The following PADI1 variants were observed in gnomAD, a reference collection of about 807,000 sequenced individuals.
PADI1 encodes the protein peptidyl arginine deiminase 1.
Under a neutral mutation model 74.8 loss-of-function variants are expected in PADI1, and 65 were observed. The observed-to-expected ratio is 0.87, with a 90% CI of 0.71 to 1.07. The LOEUF is 1.07. Among genes scored for constraint, PADI1 ranks in the 50% least tolerant of loss-of-function variants. PADI1 has a pLI of 0.00. For synonymous variants in PADI1, 371 were observed against 336.2 expected, an observed-to-expected ratio of 1.10 and a Z score of -1.13; for missense variants, 943 against 854.0, an observed-to-expected ratio of 1.10 and a Z score of -1.30.
intron 12 of PADI1, among the ~76,000 whole-genome samples, chr1:17,238,208 T>C (rs2072692813): frequency 6.6e-6 from 1 of 152,140 alleles, no homozygotes; most frequent in African/African-American, 2.4e-5. Context: ...GCCCAGCTAA[T>C]TTTTTGTATT....
rs566329267 is a variant in PADI1 at position 17,244,370 on chromosome 1, C to A, written c.*127C>A. 1 of 745,344 alleles carries A rather than the reference C, an allele frequency of 1.3e-6. No individual in the cohort carries two copies. Among genetic ancestry groups the A allele is most frequent in the Non-Finnish European group, 2.4e-6 (1 of 417,368 alleles). 46.2% of individuals were successfully genotyped at this position (745,344 alleles called of 1,614,324 possible). ...TGGCACTTTGCAAACATCCTGGCCA[C>A]CATGGGCACCAGGACACAGGGATGG... On this transcript the variant is annotated 3_prime_UTR_variant, in exon 16 of 16. Coordinates refer to ENST00000375471, the MANE Select transcript of PADI1 (RefSeq NM_013358.3).
rs1213380160 is a variant in PADI1, at chr1:17,244,331, T to C, written c.*88T>C. On this transcript the variant is annotated 3_prime_UTR_variant, in exon 16 of 16. Transcript: ENST00000375471. Reference sequence around the variant, plus strand: ...AGGAACAACCACCTGGCCTCCATTCTCTTGGGGGAGTCTTGGCACTTTGCA... The same window carrying C: ...AGGAACAACCACCTGGCCTCCATTCCCTTGGGGGAGTCTTGGCACTTTGCA... The C allele has an allele frequency of 2.0e-6, 2 of 982,980 alleles. No homozygotes were observed. Among genetic ancestry groups the C allele is most frequent in the Non-Finnish European group, 3.3e-6 (2 of 613,558 alleles). 60.9% of individuals were successfully genotyped at this position (982,980 alleles called of 1,614,324 possible).
At chr1:17,232,997 A>T (rs899071695) in intron 11 of PADI1, 27 bp downstream of exon 11, 1 of 1,574,434 alleles carries the variant, frequency 6.4e-7, no homozygotes, top group African/African-American at 1.3e-5. Context: ...GGAGGTGGGG[A>T]GGCACAAGGG....
At chr1:17,234,990 G>A (rs1569836622) in intron 11 of PADI1, among the ~76,000 whole-genome samples, 1 of 152,038 alleles carries the variant, frequency 6.6e-6, no homozygotes, top group East Asian at 1.9e-4. Context: ...GATGGTGCAC[G>A]CCCATGGTCC....
At chr1:17,215,872 C>A (rs182266259) in intron 1 of PADI1, among the ~76,000 whole-genome samples, 7 of 152,322 alleles carry the variant, frequency 4.6e-5, no homozygotes, top group African/African-American at 1.7e-4. Flanking sequence ...CAGATATGTG[C>A]TCTGTCAGGT....
At chr1:17,238,512 G>T in intron 12 of PADI1, 104 bp from the exon 13 acceptor site, 1 of 472,974 alleles carries the variant, frequency 2.1e-6, no homozygotes. Flanking sequence ...AGTGGGAGAG[G>T]GGAGTCCCAA....
rs1358560987 is a variant in PADI1 at position 17,244,368 on chromosome 1, C to G, written c.*125C>G. On this transcript the variant is annotated 3_prime_UTR_variant, in exon 16 of 16. Coordinates refer to ENST00000375471, the MANE Select transcript of PADI1 (RefSeq NM_013358.3). ...CTTGGCACTTTGCAAACATCCTGGCCACCATGGGCACCAGGACACAGGGAT... is the reference window on the plus strand; with the variant it reads ...CTTGGCACTTTGCAAACATCCTGGCGACCATGGGCACCAGGACACAGGGAT... The G allele has an allele frequency of 1.3e-6, 1 of 744,478 alleles. No individual in the cohort carries two copies. The highest frequency in any genetic ancestry group is 2.4e-6 in the Non-Finnish European group (1 of 416,452). The allele number at this position is 744,478 out of a possible 1,614,324, so 46.1% of individuals were successfully genotyped here.
chr1:17,238,645 C>T lies in PADI1; in HGVS notation c.1488C>T (p.Ser496=), dbSNP rs771753367. The T allele has an allele frequency of 2.3e-5, 35 of 1,548,864 alleles. No homozygotes were observed. The East Asian group carries it at 6.8e-4, about 30-fold the overall frequency. Residue 496 remains serine, a synonymous_variant, in exon 13 of 16, where the codon AGC becomes AGT. Transcript: ENST00000375471. ...TCCGGCTGCTCCTGGCTAGCCCCAG[C>T]GCTTGCCTCAAACTCTTCCAAGAGA... The part of the protein sequence containing the change: ...KGFRLLLASP[S]ACLKLFQEKK...
chr1:17,236,469 G>A (rs960921695), intron 11 of PADI1, among the ~76,000 whole-genome samples: 2 of 152,204 alleles, frequency 1.3e-5, no homozygotes. Flanking sequence ...AAAAGAGGCA[G>A]TTAGGCCAAG....
At chr1:17,232,572 G>A (rs951316248) in intron 10 of PADI1, among the ~76,000 whole-genome samples, 6 of 152,214 alleles carry the variant, frequency 3.9e-5, no homozygotes, top group African/African-American at 1.4e-4. Flanking sequence ...TTCTTTAGAT[G>A]TATACTGCTT....
At position 17,228,658 on chromosome 1, in the gene PADI1, T is replaced by TG; in HGVS notation, c.690dup (p.Pro231AlafsTer7). The TG allele has an allele frequency of 6.2e-7, 1 of 1,614,188 alleles. No individual in the cohort carries two copies. The highest frequency in any genetic ancestry group is 8.5e-7 in the Non-Finnish European group (1 of 1,180,028). On this transcript the variant is annotated frameshift_variant, in exon 7 of 16. Coordinates refer to ENST00000375471, the MANE Select transcript of PADI1 (RefSeq NM_013358.3). LOFTEE classifies it high-confidence loss of function. Reference sequence around the variant, plus strand: ...TCTCTCTCGGACTACAAACAGGTGCTGGGGCCCCAGTGTCTGTCCTATGAA... The same window carrying TG: ...TCTCTCTCGGACTACAAACAGGTGCTGGGGGCCCCAGTGTCTGTCCTATGAA...
At chr1:17,236,613 G>T (rs889864513) in intron 11 of PADI1, among the ~76,000 whole-genome samples, 1 of 152,124 alleles carries the variant, frequency 6.6e-6, no homozygotes, top group Non-Finnish European at 1.5e-5. Context: ...AATTAGCCGT[G>T]CGTGGTGGCA....
rs1349674689 is a variant in PADI1 at position 17,225,885 on chromosome 1, C to T, written c.483C>T (p.Ser161=). ...LVNCDRDNHR[S]AEPDLTHSWL... ...ACTGTGACCGGGACAATCACAGGTC[C>T]GCAGAGCCTGACCTCACCCACAGCT... The change falls in exon 5 of 16, where the codon TCC becomes TCT. Residue 161 remains serine (S), a synonymous_variant. Transcript: ENST00000375471. 3.3e-5 allele frequency: 53 copies of T among 1,613,870 alleles called. 1 individual carries two copies. The highest frequency in any genetic ancestry group is 4.2e-5 in the Non-Finnish European group (50 of 1,180,000).
In PADI1 at chr1:17,238,616, G is replaced by C. The variant is rs781670850; in HGVS notation, c.1459G>C (p.Gly487Arg). The C allele has an allele frequency of 1.3e-6, 2 of 1,494,746 alleles. No individual in the cohort carries two copies. Among genetic ancestry groups the C allele is most frequent in the South Asian group, 2.6e-5 (2 of 76,446 alleles). The allele number at this position is 1,494,746 out of a possible 1,614,324, so 92.6% of individuals were successfully genotyped here. The change falls in exon 13 of 16, where the codon GGC (glycine) becomes CGC (arginine). Residue 487 changes from glycine (G) to arginine (R), a missense_variant and splice_region_variant. By Grantham distance (125) the Gly-to-Arg change is moderately radical. Transcript: ENST00000375471. ...LTFVPTSDQK[G>R]FRLLLASPSA... The stretch of plus-strand genomic sequence containing the variant: ...GCCATTCTCCCTCCCTCCGTGCCAG[G>C]GCTTCCGGCTGCTCCTGGCTAGCCC...
In PADI1 at chr1:17,244,394, G is replaced by A. The variant is rs778627615; in HGVS notation, c.*151G>A. The A allele has an allele frequency of 2.8e-6, 2 of 708,842 alleles. No individual in the cohort carries two copies. Among genetic ancestry groups the A allele is most frequent in the Non-Finnish European group, 5.1e-6 (2 of 389,328 alleles). The allele number at this position is 708,842 out of a possible 1,614,324, so 43.9% of individuals were successfully genotyped here. On this transcript the variant is annotated 3_prime_UTR_variant, in exon 16 of 16. Transcript: ENST00000375471. ...ACCATGGGCACCAGGACACAGGGAT[G>A]GATACCACCTACCCTCGCCTCTGGA...
intron 11 of PADI1, among the ~76,000 whole-genome samples, chr1:17,236,269 T>C (rs114684291): frequency 6.6e-6 from 1 of 152,150 alleles, no homozygotes; most frequent in Non-Finnish European, 1.5e-5. Context: ...CATGAACAAA[T>C]GCATATAACT....
chr1:17,221,377 G>A (rs947609733), intron 1 of PADI1, among the ~76,000 whole-genome samples: 3 of 151,862 alleles, frequency 2.0e-5, no homozygotes, highest in Non-Finnish European at 2.9e-5. Flanking sequence ...ATTGAGGTGG[G>A]AGAATCGCTT....
intron 6 of PADI1, among the ~76,000 whole-genome samples, chr1:17,228,160 T>A (rs907223224): frequency 3.3e-5 from 5 of 152,128 alleles, no homozygotes; most frequent in African/African-American, 1.2e-4. Flanking sequence ...CTGGCTATTT[T>A]AAAAAATTTT....
intron 11 of PADI1, 93 bp downstream of exon 11, chr1:17,233,063 C>G (rs2072541927): frequency 8.4e-7 from 1 of 1,184,912 alleles, no homozygotes; most frequent in Non-Finnish European, 1.1e-6. Context: ...ATTCCCCAGT[C>G]TGAGAAGTGA....
Sources: gnomAD v4.1 joint callset for allele counts (sites outside exome capture counted in the v4.1 genomes callset) on GRCh38, gnomAD v4.1.1 for gene constraint, MANE v1.5 for transcripts, NCBI Gene and HGNC (gene_info 2026-07-23, HGNC 2026-07-21) for gene names.